The following ZZZ3 variants were observed in gnomAD, a reference collection of about 807,000 sequenced individuals.
ZZZ3 encodes the protein zinc finger ZZ-type containing 3.
ZZZ3 carries 22 observed loss-of-function variants against 95.2 expected under a neutral mutation model. The observed-to-expected ratio is 0.23, with a 90% CI of 0.17 to 0.33. The LOEUF (loss-of-function observed/expected upper bound fraction) is 0.33. ZZZ3 is among the 10% of genes least tolerant of loss of function. ZZZ3 has a pLI of 1.00. For missense variants in ZZZ3, 885 were observed against 1,066.5 expected (o/e 0.83, Z 2.37); for synonymous variants, 335 against 358.9 (o/e 0.93, Z 0.75).
intron 1 of ZZZ3, among the ~76,000 whole-genome samples, chr1:77,643,179 AAAAG>A (rs1218328701): frequency 6.6e-6 from 1 of 152,140 alleles, no homozygotes; most frequent in Non-Finnish European, 1.5e-5. Context: ...AAGAAAAAAA[AAAAG>A]AAAAAACCGA....
intron 1 of ZZZ3, among the ~76,000 whole-genome samples, chr1:77,649,922 C>T (rs144942752): frequency 3.3e-5 from 5 of 150,428 alleles, no homozygotes; most frequent in South Asian, 4.2e-4. Flanking sequence ...AAATAACTGA[C>T]GAGCAAAAAA....
intron 5 of ZZZ3, among the ~76,000 whole-genome samples, chr1:77,586,739 G>C (rs554118765): frequency 6.6e-6 from 1 of 152,114 alleles, no homozygotes; most frequent in South Asian, 2.1e-4. Flanking sequence ...AAGACTCTAA[G>C]AAAATAGTAA....
intron 1 of ZZZ3, among the ~76,000 whole-genome samples, chr1:77,678,600 A>T (rs1672478186): frequency 1.3e-5 from 2 of 152,200 alleles, no homozygotes; most frequent in African/African-American, 2.4e-5. Context: ...ATAGGAGTGT[A>T]TGTATTTATG....
At chr1:77,601,318 G>A (rs535312705) in intron 5 of ZZZ3, among the ~76,000 whole-genome samples, 13 of 152,292 alleles carry the variant, frequency 8.5e-5, no homozygotes, top group African/African-American at 3.1e-4. Context: ...GAAATCACTA[G>A]TAAGTCATTT....
At chr1:77,586,951 T>C (rs1235327067) in intron 5 of ZZZ3, among the ~76,000 whole-genome samples, 1 of 152,218 alleles carries the variant, frequency 6.6e-6, no homozygotes, top group Non-Finnish European at 1.5e-5. Context: ...CTACAGAAGC[T>C]GATCCAGGCA....
chr1:77,652,741 T>C (rs1669923813), intron 1 of ZZZ3, among the ~76,000 whole-genome samples: 1 of 152,180 alleles, frequency 6.6e-6, no homozygotes, highest in Non-Finnish European at 1.5e-5. Context: ...AGGAATATCA[T>C]ATCAACACAA....
intron 1 of ZZZ3, among the ~76,000 whole-genome samples, chr1:77,677,925 A>C (rs1444042237): frequency 6.6e-6 from 1 of 152,202 alleles, no homozygotes; most frequent in East Asian, 1.9e-4. Flanking sequence ...CAGCTTTCAA[A>C]ATCATTAAAA....
chr1:77,564,433 A>G lies in ZZZ3; in HGVS notation c.*1207T>C, dbSNP rs1244167869. On this transcript the variant is annotated 3_prime_UTR_variant, in exon 15 of 15. Coordinates refer to ENST00000370801, the MANE Select transcript of ZZZ3 (RefSeq NM_015534.6). ...AAGCAAACCATTTTAAAAAATACCA[A>G]TTTCTGGTTTTAACACTGGTAAAAA... is the stretch of plus-strand genomic sequence containing the variant. 1 of 152,446 alleles carries G rather than the reference A, an allele frequency of 6.6e-6. No homozygotes were observed. Among genetic ancestry groups the G allele is most frequent in the Admixed American group, 6.5e-5 (1 of 15,268 alleles). 9.4% of individuals were successfully genotyped at this position (152,446 alleles called of 1,614,324 possible). A position where few individuals can be genotyped will look rare whatever the true frequency, so the allele number is the denominator to read the frequency against.
At chr1:77,601,436 G>A (rs1479937962) in intron 5 of ZZZ3, among the ~76,000 whole-genome samples, 2 of 152,040 alleles carry the variant, frequency 1.3e-5, no homozygotes, top group African/African-American at 4.8e-5. Context: ...ATTGCGATGG[G>A]AAGAAAGTAA....
intron 5 of ZZZ3, among the ~76,000 whole-genome samples, chr1:77,594,920 C>A (rs1311798812): frequency 8.9e-6 from 1 of 112,946 alleles, no homozygotes; most frequent in African/African-American, 4.3e-5. Flanking sequence ...CTTGACAGGC[C>A]CAAAAAAAAA....
chr1:77,646,366 G>A (rs990314493), intron 1 of ZZZ3, among the ~76,000 whole-genome samples: 1 of 151,910 alleles, frequency 6.6e-6, no homozygotes, highest in Non-Finnish European at 1.5e-5. Context: ...GACTACTGGT[G>A]CATGCCACTA....
chr1:77,586,700 T>C (rs571718981), intron 5 of ZZZ3, among the ~76,000 whole-genome samples: 41 of 152,162 alleles, frequency 2.7e-4, no homozygotes, highest in East Asian at 1.9e-4. Context: ...ATGATAAACA[T>C]TGGTAAAGTC....
intron 12 of ZZZ3, among the ~76,000 whole-genome samples, chr1:77,575,041 G>A (rs1339853306): frequency 6.6e-6 from 1 of 152,032 alleles, no homozygotes; most frequent in Non-Finnish European, 1.5e-5. Flanking sequence ...AAAACTAGCC[G>A]GGCATGGTGG....
chr1:77,672,680 T>C (rs149612439), intron 1 of ZZZ3, among the ~76,000 whole-genome samples: 7 of 152,278 alleles, frequency 4.6e-5, no homozygotes, highest in African/African-American at 1.7e-4. Context: ...TACAAATAAA[T>C]CAAAATATCC....
intron 1 of ZZZ3, among the ~76,000 whole-genome samples, chr1:77,676,141 C>T (rs550171013): frequency 2.0e-5 from 3 of 152,276 alleles, no homozygotes; most frequent in Middle Eastern, 6.8e-3. Flanking sequence ...AGTAGTTTTA[C>T]TCCTTACAGT....
chr1:77,669,061 G>A (rs1304425337), intron 1 of ZZZ3, among the ~76,000 whole-genome samples: 1 of 150,748 alleles, frequency 6.6e-6, no homozygotes, highest in Non-Finnish European at 1.5e-5. Context: ...TCAGCACACT[G>A]TGTGATTATT....
At chr1:77,629,879 ATCCTCAAAGGGTTATGAAT>A (rs1363289722) in intron 5 of ZZZ3, among the ~76,000 whole-genome samples, 5 of 152,318 alleles carry the variant, frequency 3.3e-5, no homozygotes, top group African/African-American at 1.2e-4. Context: ...TATTGTTCTC[ATCCTCAAAGGGTTATGAAT>A]GTGGAATATC....
intron 5 of ZZZ3, among the ~76,000 whole-genome samples, chr1:77,588,754 A>T (rs1663359093): frequency 6.6e-6 from 1 of 152,226 alleles, no homozygotes; most frequent in South Asian, 2.1e-4. Context: ...ATAAAATCAT[A>T]GTTATACCTT....
chr1:77,632,968 G>A lies in ZZZ3; in HGVS notation c.387C>T (p.Asn129=). The change falls in exon 5 of 15, where the codon AAC becomes AAT. Residue 129 remains asparagine, a synonymous_variant. Coordinates refer to ENST00000370801, the MANE Select transcript of ZZZ3 (RefSeq NM_015534.6). ...TTATAGGAGAATCTTCTTCTGAACT[G>A]TTTGGTGCTTCAGATCTAAGACAAC... ...IKRCLRSEAP[N]SSEEDSPIKS... is the part of the protein sequence containing the mutation. 1 of 1,614,108 alleles carries A rather than the reference G, an allele frequency of 6.2e-7. No homozygotes were observed. Among genetic ancestry groups the A allele is most frequent in the East Asian group, 2.2e-5 (1 of 44,882 alleles).
Sources: gnomAD v4.1 joint callset for allele counts (sites outside exome capture counted in the v4.1 genomes callset) on GRCh38, gnomAD v4.1.1 for gene constraint, MANE v1.5 for transcripts, NCBI Gene and HGNC (gene_info 2026-07-23, HGNC 2026-07-21) for gene names.